Variants in MEGF6 observed in about 807,000 individuals in gnomAD.
MEGF6 encodes the protein multiple epidermal growth factor-like domains protein 6.
In MEGF6, 184 loss-of-function variants were observed where a neutral mutation model predicts 207.1. That is an observed-to-expected ratio of 0.89 (90% CI 0.79 to 1.00). The LOEUF is 1.00. Ranked by LOEUF, MEGF6 falls within the 50% of genes least tolerant of loss-of-function variation. MEGF6 has a pLI of 0.00. For synonymous variants in MEGF6, 1,038 were observed against 910.0 expected (o/e 1.14, Z -2.53); for missense variants, 2,282 against 2,202.9 (o/e 1.04, Z -0.72).
At chr1:3,615,608 G>A (rs1435995660), upstream of MEGF6, among the ~76,000 whole-genome samples, 1 of 152,266 alleles carries the variant, frequency 6.6e-6, no homozygotes, top group Non-Finnish European at 1.5e-5. Flanking sequence ...GAAGGCACCA[G>A]GTGGGAAGCA....
At chr1:3,608,009 C>T (rs1208198236) in intron 1 of MEGF6, among the ~76,000 whole-genome samples, 1 of 152,196 alleles carries the variant, frequency 6.6e-6, no homozygotes, top group Non-Finnish European at 1.5e-5. Context: ...CCTGAACAAA[C>T]CCCTGTGGGC....
At chr1:3,624,094 C>T in the MEGF6 span, among the ~76,000 whole-genome samples, 1 of 152,212 alleles carries the variant, frequency 6.6e-6, no homozygotes, top group Non-Finnish European at 1.5e-5. Context: ...CTCATTCTCC[C>T]CCCATCTCAC....
intron 4 of MEGF6, among the ~76,000 whole-genome samples, chr1:3,561,242 TGAG>T (rs1473217471): frequency 6.6e-6 from 1 of 152,034 alleles, no homozygotes; most frequent in East Asian, 1.9e-4. Flanking sequence ...CACGCTCAGC[TGAG>T]GAGCAAGGGC....
chr1:3,508,450 C>T, intron 13 of MEGF6, 108 bp downstream of exon 13: 1 of 1,357,134 alleles, frequency 7.4e-7, no homozygotes, highest in South Asian at 1.4e-5. Flanking sequence ...AGCCCCCTGC[C>T]CAGGGCCAGC....
chr1:3,565,703 G>A lies in MEGF6; in HGVS notation c.481+14122C>T, dbSNP rs1643326001. 6.6e-6 allele frequency among the ~76,000 whole-genome samples: 1 copy of A among 152,176 alleles called. No homozygotes were observed. The highest frequency in any genetic ancestry group is 2.1e-4 in the South Asian group (1 of 4,836). ...GATTCCCTGTCCCAGGGGTTCAGGG[G>A]CCTGTGTGTGCCAAAGCCCACTGCA... On this transcript the variant is annotated intron_variant, in intron 4 of 36. Coordinates refer to ENST00000356575, the MANE Select transcript of MEGF6 (RefSeq NM_001409.4). This position sits in a 1 kb window ranked among gnomAD's most constrained non-coding sequence, Gnocchi z 4.8.
rs114509632 is a variant in MEGF6 at position 3,604,803 on chromosome 1, C to T, written c.132-2203G>A. Among the ~76,000 whole-genome samples the T allele has an allele frequency of 5.4e-3, 829 of 152,246 alleles. 6 individuals are homozygous for T. The highest frequency in any genetic ancestry group is 0.019 in the African/African-American group (803 of 41,514). On this transcript the variant is annotated intron_variant, in intron 1 of 36. Transcript: ENST00000356575. ...TTGGGCCTCTGTGTCCTAAGGGCCACGGATCCCAGAGTGAGAATAGGGGAG... is the reference window on the plus strand; with the variant it reads ...TTGGGCCTCTGTGTCCTAAGGGCCATGGATCCCAGAGTGAGAATAGGGGAG...
chr1:3,540,274 A>C (rs1378122146), intron 4 of MEGF6, among the ~76,000 whole-genome samples: 1 of 152,212 alleles, frequency 6.6e-6, no homozygotes, highest in Admixed American at 6.5e-5. Context: ...AGCGCCTCGG[A>C]CGGAGCAGGC....
chr1:3,540,358 C>T (rs1348391467), intron 4 of MEGF6, among the ~76,000 whole-genome samples: 10 of 152,236 alleles, frequency 6.6e-5, no homozygotes, highest in Non-Finnish European at 7.3e-5. Flanking sequence ...CCGGGTTTCC[C>T]GCTGCACTGG....
intron 4 of MEGF6, among the ~76,000 whole-genome samples, chr1:3,575,165 G>C (rs894903006): frequency 6.6e-6 from 1 of 152,212 alleles, no homozygotes; most frequent in Non-Finnish European, 1.5e-5. Context: ...CCAAGCCCAG[G>C]TCACCAGTGG....
intron 3 of MEGF6, among the ~76,000 whole-genome samples, chr1:3,591,739 C>T (rs528964446): frequency 9.6e-5 from 14 of 145,578 alleles, no homozygotes; most frequent in South Asian, 2.4e-4. Flanking sequence ...CCGATGGGGG[C>T]GCCGGCAAGG....
intron 4 of MEGF6, among the ~76,000 whole-genome samples, chr1:3,571,207 G>T (rs915007252): frequency 6.6e-6 from 1 of 152,026 alleles, no homozygotes; most frequent in Admixed American, 6.5e-5. Flanking sequence ...ACCAGAGAGT[G>T]CTCCTCCAAG....
intron 4 of MEGF6, among the ~76,000 whole-genome samples, chr1:3,567,832 G>T (rs1643390549): frequency 6.6e-6 from 1 of 152,170 alleles, no homozygotes; most frequent in Non-Finnish European, 1.5e-5. Context: ...TCTATGACAG[G>T]TTCATGGTAG....
intron 26 of MEGF6, 144 bp from the exon 27 acceptor site, chr1:3,497,505 G>A (rs1258698903): frequency 8.8e-7 from 1 of 1,138,422 alleles, no homozygotes; most frequent in East Asian, 2.7e-5. Flanking sequence ...CTCACACCTG[G>A]AGCCCCCCGC....
chr1:3,513,884 G>A (rs969490508), intron 7 of MEGF6, among the ~76,000 whole-genome samples: 27 of 151,796 alleles, frequency 1.8e-4, no homozygotes, highest in African/African-American at 6.3e-4. Flanking sequence ...GAGCCACAGC[G>A]CCTGGCTCAT....
the MEGF6 span, chr1:3,623,644 C>T: frequency 6.6e-6 from 1 of 152,292 alleles, no homozygotes; most frequent in Admixed American, 6.5e-5. Flanking sequence ...TCTGGGCACA[C>T]CAGCGTCGCC....
intron 3 of MEGF6, among the ~76,000 whole-genome samples, 183 bp downstream of exon 3, chr1:3,595,155 G>A (rs1286958245): frequency 6.6e-6 from 1 of 152,244 alleles, no homozygotes; most frequent in Non-Finnish European, 1.5e-5. Flanking sequence ...CCGCAGCTCT[G>A]CCAGCCTCGC....
chr1:3,583,968 C>T lies in MEGF6; in HGVS notation c.377-4039G>A, dbSNP rs148383332. On this transcript the variant is annotated intron_variant, in intron 3 of 36. Coordinates refer to ENST00000356575, the MANE Select transcript of MEGF6 (RefSeq NM_001409.4). ...CGGCCTCCAGAGCTGTCGAGGGCCA[C>T]GCCTCTCCCTCATTCACAGAATGGG... 7.3e-3 allele frequency among the ~76,000 whole-genome samples: 1,102 copies of T among 151,564 alleles called. 7 individuals carry two copies. The highest frequency in any genetic ancestry group is 0.024 in the Middle Eastern group (7 of 286).
chr1:3,497,048 G>C lies in MEGF6; in HGVS notation c.3553C>G (p.His1185Asp), dbSNP rs199684134. ...CATGAGCAGGTCCCGGTGGCAGGGT[G>C]GCAGGCCGGGTTCTCACCGGGACAC... is the stretch of plus-strand genomic sequence containing the variant. ...CQCPGENPAC[H>D]PATGTCSCAA... The change falls in exon 28 of 37, where the codon CAC becomes GAC. Residue 1185 changes from histidine to aspartate, a missense_variant. Coordinates refer to ENST00000356575, the MANE Select transcript of MEGF6 (RefSeq NM_001409.4). 3,829 of 1,556,328 alleles carry C rather than the reference G, an allele frequency of 2.5e-3. 3 individuals are homozygous for C. Among genetic ancestry groups the C allele is most frequent in the Non-Finnish European group, 3.1e-3 (3,528 of 1,150,634 alleles).
At position 3,594,845 on chromosome 1, in the gene MEGF6, A is replaced by G. The variant is rs957211293; in HGVS notation, c.376+493T>C. Among the ~76,000 whole-genome samples the G allele has an allele frequency of 1.4e-4, 21 of 152,186 alleles. No individual in the cohort carries two copies. Among genetic ancestry groups the G allele is most frequent in the Admixed American group, 1.0e-3 (16 of 15,282 alleles). ...ACGGGCCTCTCCAATTGTGCTGGCTACATAACGGAGAGAGGAAGGAGCGGC... is the reference window on the plus strand; with the variant it reads ...ACGGGCCTCTCCAATTGTGCTGGCTGCATAACGGAGAGAGGAAGGAGCGGC... On this transcript the variant is annotated intron_variant, in intron 3 of 36. Coordinates refer to ENST00000356575, the MANE Select transcript of MEGF6 (RefSeq NM_001409.4). This position sits in a 1 kb window ranked among gnomAD's most constrained non-coding sequence, Gnocchi z 4.2.
Sources: allele counts gnomAD v4.1 joint callset (sites outside exome capture counted in the v4.1 genomes callset), GRCh38; gene constraint gnomAD v4.1.1; non-coding constraint Gnocchi (gnomAD v3.1); transcripts MANE v1.5; gene names NCBI Gene and HGNC (gene_info 2026-07-23, HGNC 2026-07-21).